PDE10A: variants seen among roughly 807,000 people sequenced by gnomAD.
PDE10A encodes the protein cAMP and cAMP-inhibited cGMP 3',5'-cyclic phosphodiesterase 10A.
A neutral mutation model predicts 97.7 loss-of-function variants in PDE10A; 39 were observed. The ratio of observed to expected loss-of-function variants is 0.40; its 90% CI spans 0.31 to 0.52. The LOEUF (loss-of-function observed/expected upper bound fraction) is 0.52, where lower values mean the gene tolerates loss of function less well. Among genes scored for constraint, PDE10A ranks in the 20% least tolerant of loss-of-function variants. PDE10A has a pLI of 0.56. For synonymous variants in PDE10A, 371 were observed against 376.8 expected (o/e 0.98, Z 0.18); for missense variants, 731 against 1,047.8 (o/e 0.70, Z 4.17).
chr6:165,350,432 T>C (rs1782618608), intron 18 of PDE10A, among the ~76,000 whole-genome samples: 1 of 152,210 alleles, frequency 6.6e-6, no homozygotes, highest in Non-Finnish European at 1.5e-5. Context: ...CCCCATTGTG[T>C]CTAGGAAGTA....
chr6:165,798,252 G>A (rs1313564751), intron 1 of PDE10A, among the ~76,000 whole-genome samples: 1 of 152,152 alleles, frequency 6.6e-6, no homozygotes, highest in East Asian at 1.9e-4. Context: ...TTGCTTTAAT[G>A]AGAAATGAAT....
rs528574037 is a variant in PDE10A, at chr6:165,868,355, G to A, written c.-615+119174C>T. Among the ~76,000 whole-genome samples, 4 of 152,048 alleles carry A rather than the reference G, an allele frequency of 2.6e-5. No homozygotes were observed. The South Asian group carries it at 8.3e-4, about 32-fold the overall frequency. On this transcript the variant is annotated intron_variant, in intron 1 of 19. Coordinates refer to the PDE10A transcript ENST00000366882. The stretch of plus-strand genomic sequence containing the variant: ...ACCTTGCAATTGATACCACAGAAAT[G>A]CAAAGGATTAGAGACTATTATGAAC...
intron 1 of PDE10A, among the ~76,000 whole-genome samples, chr6:165,602,074 C>A (rs75115095): frequency 6.6e-6 from 1 of 152,178 alleles, no homozygotes. Flanking sequence ...TCTTCCCTGT[C>A]CCACTGTCCA....
chr6:165,661,929 G>C lies in PDE10A; in HGVS notation c.865+18C>G, dbSNP rs759530329. The C allele has an allele frequency of 1.0e-5, 9 of 894,500 alleles. No homozygotes were observed. The highest frequency in any genetic ancestry group is 2.1e-5 in the Admixed American group (1 of 48,306). 55.4% of individuals were successfully genotyped at this position (894,500 alleles called of 1,614,324 possible). On this transcript the variant is annotated intron_variant, in intron 1 of 21. Coordinates refer to ENST00000539869, the MANE Select transcript of PDE10A (RefSeq NM_001385079.1). The surrounding 1 kb of genome is among the most constrained non-coding windows in gnomAD (Gnocchi z 4.8). ...AGGAGCCGCCCCACCTCCGGGGAAC[G>C]GGGAGCAGGCCACTTACTGGGGCTC...
chr6:165,978,117 C>T (rs993193603), intron 1 of PDE10A, among the ~76,000 whole-genome samples: 1 of 152,150 alleles, frequency 6.6e-6, no homozygotes, highest in African/African-American at 2.4e-5. Flanking sequence ...AGGAAGCCTT[C>T]TGGAATGCTG....
intron 1 of PDE10A, among the ~76,000 whole-genome samples, chr6:165,617,003 A>G (rs997180828): frequency 1.1e-4 from 16 of 152,208 alleles, no homozygotes; most frequent in Admixed American, 9.8e-4. Flanking sequence ...AAGCTATGGG[A>G]AAACCTTTGA....
intron 1 of PDE10A, among the ~76,000 whole-genome samples, chr6:165,657,073 G>A (rs1364294405): frequency 6.6e-6 from 1 of 152,222 alleles, no homozygotes; most frequent in African/African-American, 2.4e-5. Flanking sequence ...AAGTATTTGA[G>A]TACCTTCTCT....
At chr6:165,553,874 A>G (rs1784129837) in intron 1 of PDE10A, among the ~76,000 whole-genome samples, 1 of 152,202 alleles carries the variant, frequency 6.6e-6, no homozygotes, top group South Asian at 2.1e-4. Flanking sequence ...ATTAAGAGTA[A>G]GCTTAAACCC....
At chr6:165,575,137 C>T (rs974310720) in intron 1 of PDE10A, among the ~76,000 whole-genome samples, 8 of 152,264 alleles carry the variant, frequency 5.3e-5, no homozygotes, top group Admixed American at 4.6e-4. Context: ...AGACCACTGC[C>T]GATTACTGCA....
rs1435299897 is a variant in PDE10A at position 165,655,810 on chromosome 6, C to T, written c.865+6137G>A. ...TGACTGACAAAGCCTTCATCCGGCC[C>T]ATTTGCCACTTCACTTGCCACTGCC... On this transcript the variant is annotated intron_variant, in intron 1 of 21. Transcript: ENST00000539869. The surrounding 1 kb of genome is among the most constrained non-coding windows in gnomAD (Gnocchi z 4.5). Among the ~76,000 whole-genome samples, 1 of 152,126 alleles carries T rather than the reference C, an allele frequency of 6.6e-6. No homozygotes were observed. The highest frequency in any genetic ancestry group is 1.5e-5 in the Non-Finnish European group (1 of 68,012).
Position 165,328,583 on chromosome 6 carries a change from T to C in PDE10A, c.*4442A>G, listed in dbSNP as rs796820449. The C allele has an allele frequency of 6.6e-6, 1 of 152,296 alleles. No individual in the cohort carries two copies. Among genetic ancestry groups the C allele is most frequent in the Non-Finnish European group, 1.5e-5 (1 of 68,028 alleles). 9.4% of individuals were successfully genotyped at this position (152,296 alleles called of 1,614,324 possible). On this transcript the variant is annotated 3_prime_UTR_variant, in exon 22 of 22. Transcript: ENST00000539869. ...TCTCCCACTTGCAGGAAAGAGCACG[T>C]AGGCTCTGTACGGCTTTGCAAGCCC...
intron 1 of PDE10A, among the ~76,000 whole-genome samples, chr6:165,766,501 C>A (rs1483841757): frequency 6.6e-6 from 1 of 152,216 alleles, no homozygotes; most frequent in Non-Finnish European, 1.5e-5. Context: ...GAACTGGAAA[C>A]CCTATCAGAG....
chr6:165,537,832 CA>C (rs1407638633), intron 2 of PDE10A, among the ~76,000 whole-genome samples: 1 of 151,198 alleles, frequency 6.6e-6, no homozygotes, highest in Non-Finnish European at 1.5e-5. Flanking sequence ...ACATTTGAGA[CA>C]AAAAAATTGA....
chr6:165,803,209 C>A (rs917012142), intron 1 of PDE10A, among the ~76,000 whole-genome samples: 1 of 152,196 alleles, frequency 6.6e-6, no homozygotes, highest in Non-Finnish European at 1.5e-5. Context: ...TTGTACCCTT[C>A]CCAAATTCAC....
chr6:165,366,947 A>G (rs1268898221), intron 18 of PDE10A, among the ~76,000 whole-genome samples: 1 of 152,170 alleles, frequency 6.6e-6, no homozygotes, highest in Non-Finnish European at 1.5e-5. Flanking sequence ...ATTATGTAAT[A>G]TACAAATATA....
intron 2 of PDE10A, among the ~76,000 whole-genome samples, chr6:165,501,510 T>C (rs1780884783): frequency 2.0e-5 from 3 of 151,746 alleles, no homozygotes; most frequent in Admixed American, 2.0e-4. Flanking sequence ...GAGGTGGAGC[T>C]TGCAGTGAGC....
intron 1 of PDE10A, among the ~76,000 whole-genome samples, chr6:165,862,978 C>G (rs1780949440): frequency 6.6e-6 from 1 of 152,242 alleles, no homozygotes; most frequent in East Asian, 1.9e-4. Context: ...CCACACCCGG[C>G]CCAGTTGTAC....
chr6:165,974,184 T>G (rs532587831), intron 1 of PDE10A, among the ~76,000 whole-genome samples: 17 of 152,344 alleles, frequency 1.1e-4, no homozygotes, highest in African/African-American at 3.8e-4. Flanking sequence ...CATCCATACA[T>G]TTTTGACAAG....
chr6:165,745,673 C>T (rs904540735), intron 1 of PDE10A, among the ~76,000 whole-genome samples: 1 of 152,150 alleles, frequency 6.6e-6, no homozygotes. Flanking sequence ...TTGATGGTAC[C>T]TTTCTCTGTT....
Sources: gnomAD v4.1 joint callset for allele counts (sites outside exome capture counted in the v4.1 genomes callset) on GRCh38, gnomAD v4.1.1 for gene constraint, Gnocchi (gnomAD v3.1) non-coding constraint, MANE v1.5 for transcripts, NCBI Gene and HGNC (gene_info 2026-07-23, HGNC 2026-07-21) for gene names.